HS6ST3: variants seen among roughly 807,000 people sequenced by gnomAD.
The protein encoded by HS6ST3 is heparan sulfate 6-O-sulfotransferase 3.
HS6ST3 carries 12 observed loss-of-function variants against 36.7 expected under a neutral mutation model. The observed-to-expected ratio is 0.33, with a 90% CI of 0.21 to 0.53. The LOEUF (loss-of-function observed/expected upper bound fraction) is 0.53, where lower values mean the gene tolerates loss of function less well. Among genes scored for constraint, HS6ST3 ranks in the 20% least tolerant of loss-of-function variants. The probability of loss-of-function intolerance (pLI) is 0.95; values close to 1 mark genes in which losing one functional copy is unlikely to be tolerated. For synonymous variants in HS6ST3, 240 were observed against 257.5 expected (o/e 0.93, Z 0.65); for missense variants, 584 against 640.9 (o/e 0.91, Z 0.96).
intron 1 of HS6ST3, among the ~76,000 whole-genome samples, chr13:96,545,132 G>T (rs577217224): frequency 1.6e-4 from 25 of 152,234 alleles, no homozygotes; most frequent in African/African-American, 5.8e-4. Context: ...GCCTGTGTCA[G>T]CCATGAGGAA....
chr13:96,503,461 A>G (rs1288245368), intron 1 of HS6ST3, among the ~76,000 whole-genome samples: 1 of 152,200 alleles, frequency 6.6e-6, no homozygotes, highest in Non-Finnish European at 1.5e-5. Context: ...AGTGTAAATG[A>G]TACAGAAGAC....
chr13:96,774,322 G>A lies in HS6ST3; in HGVS notation c.708-58168G>A, dbSNP rs144551992. On this transcript the variant is annotated intron_variant, in intron 1 of 1. Transcript: ENST00000376705. The stretch of plus-strand genomic sequence containing the variant: ...CCAGAAAGAGAACAAAACTGGACAG[G>A]GAATGAATTTGACAAATTGACAGAA... Among the ~76,000 whole-genome samples, 106 of 152,104 alleles carry A rather than the reference G, an allele frequency of 7.0e-4. 2 individuals carry two copies. The highest frequency in any genetic ancestry group is 2.4e-3 in the African/African-American group (101 of 41,486).
intron 1 of HS6ST3, among the ~76,000 whole-genome samples, chr13:96,302,696 T>G (rs936555324): frequency 1.3e-5 from 2 of 152,142 alleles, no homozygotes; most frequent in African/African-American, 4.8e-5. Context: ...CAAAATTTTC[T>G]TCAATAAAAT....
intron 1 of HS6ST3, among the ~76,000 whole-genome samples, chr13:96,563,771 G>T (rs2056271139): frequency 6.6e-6 from 1 of 152,122 alleles, no homozygotes; most frequent in Admixed American, 6.6e-5. Context: ...CTTTCTTGAT[G>T]ATACAGTCTC....
At chr13:96,788,192 A>C (rs936601291) in intron 1 of HS6ST3, among the ~76,000 whole-genome samples, 2 of 151,622 alleles carry the variant, frequency 1.3e-5, no homozygotes, top group Non-Finnish European at 2.9e-5. Context: ...TCCAACATAC[A>C]TCTCTTTCCA....
intron 1 of HS6ST3, among the ~76,000 whole-genome samples, chr13:96,440,226 C>G (rs2055663821): frequency 6.6e-6 from 1 of 152,106 alleles, no homozygotes; most frequent in Non-Finnish European, 1.5e-5. Flanking sequence ...TAAGACAGAT[C>G]ACTTGAGGTC....
intron 1 of HS6ST3, among the ~76,000 whole-genome samples, chr13:96,242,499 G>A (rs952701304): frequency 5.3e-5 from 8 of 152,144 alleles, no homozygotes; most frequent in Admixed American, 2.0e-4. Context: ...GATTACAGGC[G>A]TGAGCCACTG....
intron 1 of HS6ST3, among the ~76,000 whole-genome samples, chr13:96,284,381 T>C (rs1025154653): frequency 2.0e-5 from 3 of 152,186 alleles, no homozygotes. Flanking sequence ...GCCTTCAGTC[T>C]GTGGCCAAAG....
At chr13:96,819,926 A>G (rs2138541269) in intron 1 of HS6ST3, among the ~76,000 whole-genome samples, 1 of 151,948 alleles carries the variant, frequency 6.6e-6, no homozygotes, top group East Asian at 1.9e-4. Flanking sequence ...AAATACAAAA[A>G]TTAGCCAGGC....
intron 1 of HS6ST3, among the ~76,000 whole-genome samples, chr13:96,589,501 T>TG: frequency 6.6e-6 from 1 of 152,204 alleles, no homozygotes; most frequent in African/African-American, 2.4e-5. Context: ...TTTGTTAGTC[T>TG]TTTATATTGT....
In HS6ST3 at chr13:96,090,330, C is replaced by CGCCGGGCGCGCGT. The variant is rs925789886; in HGVS notation, c.-522_-510dup. On this transcript the variant is annotated 5_prime_UTR_variant, in exon 1 of 2. Coordinates refer to ENST00000376705, the MANE Select transcript of HS6ST3 (RefSeq NM_153456.4). ...CAGCCCCGCGACCTGCCGGCAAAGG[C>CGCCGGGCGCGCGT]GCCGGGCGCGCGTGCCGGGCGCGGT... Among the ~76,000 whole-genome samples, 25 of 147,450 alleles carry CGCCGGGCGCGCGT rather than the reference C, an allele frequency of 1.7e-4. No individual in the cohort carries two copies. In the South Asian group the frequency reaches 4.4e-3, roughly 26 times the overall value.
intron 1 of HS6ST3, among the ~76,000 whole-genome samples, chr13:96,727,753 A>G (rs755544803): frequency 8.5e-5 from 13 of 152,112 alleles, no homozygotes; most frequent in Non-Finnish European, 1.8e-4. Context: ...CAATTATTCA[A>G]TCTTAATAAA....
At chr13:96,774,676 A>T (rs1043500562) in intron 1 of HS6ST3, among the ~76,000 whole-genome samples, 13 of 152,164 alleles carry the variant, frequency 8.5e-5, no homozygotes, top group Non-Finnish European at 1.9e-4. Flanking sequence ...GAAATATGGG[A>T]TTATGTGAAA....
intron 1 of HS6ST3, among the ~76,000 whole-genome samples, chr13:96,238,611 C>A (rs2054546012): frequency 6.6e-6 from 1 of 152,130 alleles, no homozygotes. Context: ...AGCACAGTAC[C>A]ATTTTAATTT....
chr13:96,513,684 G>A (rs2056060088), intron 1 of HS6ST3, among the ~76,000 whole-genome samples: 1 of 152,064 alleles, frequency 6.6e-6, no homozygotes, highest in Non-Finnish European at 1.5e-5. Context: ...CTGCAGTCAT[G>A]TGTTGCTTAA....
chr13:96,775,832 A>G lies in HS6ST3; in HGVS notation c.708-56658A>G, dbSNP rs140605687. Among the ~76,000 whole-genome samples the G allele has an allele frequency of 7.1e-4, 108 of 152,332 alleles. 2 individuals are homozygous for G. Among genetic ancestry groups the G allele is most frequent in the African/African-American group, 2.5e-3 (103 of 41,588 alleles). On this transcript the variant is annotated intron_variant, in intron 1 of 1. Transcript: ENST00000376705. ...AGGACTTGAACTCAGCTCTGGACCA[A>G]GTGGACCTAATAGACATTTACAGAA... is the stretch of plus-strand genomic sequence containing the variant.
chr13:96,701,831 G>A (rs1043919145), intron 1 of HS6ST3, among the ~76,000 whole-genome samples: 1 of 152,100 alleles, frequency 6.6e-6, no homozygotes. Context: ...GCATGGAGGC[G>A]TGAATCTGTG....
rs905526466 is a variant in HS6ST3 at position 96,725,947 on chromosome 13, C to G, written c.708-106543C>G. On this transcript the variant is annotated intron_variant, in intron 1 of 1. Coordinates refer to ENST00000376705, the MANE Select transcript of HS6ST3 (RefSeq NM_153456.4). ...CACCTCCCAGGGTTCAAGTGATTCTCCGGCTTCAGCCTCCTGAGTAGCTGC... is the reference window on the plus strand; with the variant it reads ...CACCTCCCAGGGTTCAAGTGATTCTGCGGCTTCAGCCTCCTGAGTAGCTGC... 3.9e-5 allele frequency among the ~76,000 whole-genome samples: 6 copies of G among 152,118 alleles called. No individual in the cohort carries two copies. The East Asian group carries it at 1.2e-3, about 29-fold the overall frequency.
chr13:96,378,415 G>C (rs2055324939), intron 1 of HS6ST3, among the ~76,000 whole-genome samples: 1 of 152,100 alleles, frequency 6.6e-6, no homozygotes, highest in Non-Finnish European at 1.5e-5. Context: ...AATCTTAGAA[G>C]AACTCTTCGT....
Sources: gnomAD v4.1 joint callset for allele counts (sites outside exome capture counted in the v4.1 genomes callset) on GRCh38, gnomAD v4.1.1 for gene constraint, MANE v1.5 for transcripts, NCBI Gene and HGNC (gene_info 2026-07-23, HGNC 2026-07-21) for gene names.